The following POLR2E variants were observed in gnomAD, a reference collection of about 807,000 sequenced individuals.
The protein encoded by POLR2E is DNA-directed RNA polymerases I, II, and III subunit RPABC1.
In POLR2E, 35 loss-of-function variants were observed where a neutral mutation model predicts 29.8. That is an observed-to-expected ratio of 1.17 (90% CI 0.90 to 1.55). The LOEUF is 1.55. Ranked by LOEUF, POLR2E falls within the 40% of genes most tolerant of loss-of-function variation. The pLI, the probability that POLR2E is intolerant of heterozygous loss-of-function variation, is 0.00. For synonymous variants in POLR2E, 174 were observed against 112.6 expected, an observed-to-expected ratio of 1.55 and a Z score of -3.45; for missense variants, 287 against 288.6, an observed-to-expected ratio of 0.99 and a Z score of 0.04.
At chr19:1,093,571 G>A (rs2043882989) in intron 2 of POLR2E, among the ~76,000 whole-genome samples, 1 of 152,092 alleles carries the variant, frequency 6.6e-6, no homozygotes, top group Admixed American at 6.5e-5. Flanking sequence ...CCAAGAAGCT[G>A]GAAGTGCACC....
At chr19:1,091,947 C>CACGAGGGCCCAGG in intron 2 of POLR2E, 40 bp from the exon 3 acceptor site, 1 of 1,408,170 alleles carries the variant, frequency 7.1e-7, no homozygotes, top group Non-Finnish European at 1.0e-6. Context: ...GAGCCTGGGC[C>CACGAGGGCCCAGG]CTCGTGGCCC....
intron 4 of POLR2E, among the ~76,000 whole-genome samples, chr19:1,090,510 G>T (rs2043806791): frequency 1.5e-5 from 2 of 130,284 alleles, no homozygotes; most frequent in Non-Finnish European, 3.1e-5. Context: ...CTGTCTCCCA[G>T]GCTGGAGTGC....
Position 1,095,170 on chromosome 19 carries a change from A to G in POLR2E, c.57+89T>C, listed in dbSNP as rs2043914146. 7 of 1,352,636 alleles carry G rather than the reference A, an allele frequency of 5.2e-6. No homozygotes were observed. The East Asian group carries it at 1.7e-4, about 32-fold the overall frequency. 83.8% of individuals were successfully genotyped at this position (1,352,636 alleles called of 1,614,324 possible). A position where few individuals can be genotyped will look rare whatever the true frequency, so the allele number is the denominator to read the frequency against. ...GCCCTTCATCGCTGCTGCTCCGACG[A>G]GAGTACGAGGAGACGCCGTGCTCGA... On this transcript the variant is annotated intron_variant, in intron 1 of 7. Transcript: ENST00000615234.
chr19:1,092,026 C>T (rs1234546007), intron 2 of POLR2E, 119 bp from the exon 3 acceptor site: 1 of 694,078 alleles, frequency 1.4e-6, no homozygotes. Context: ...CCTGCTCGGG[C>T]CTCGGCTTCC....
chr19:1,089,639 A>G (rs889562284), intron 6 of POLR2E, 88 bp from the exon 7 acceptor site: 1 of 1,184,508 alleles, frequency 8.4e-7, no homozygotes, highest in Non-Finnish European at 1.3e-6. Context: ...CGGGCTGGGG[A>G]TGGCCGGCAG....
intron 1 of POLR2E, chr19:1,094,934 G>C (rs2043909120): frequency 7.0e-6 from 3 of 431,310 alleles, no homozygotes; most frequent in Non-Finnish European, 8.3e-6. Flanking sequence ...CTGAATCACA[G>C]AGAAGGGCAG....
At position 1,086,660 on chromosome 19, in the gene POLR2E, T is replaced by C. The variant is rs2043673754; in HGVS notation, c.*2075A>G. On this transcript the variant is annotated 3_prime_UTR_variant, in exon 8 of 8. Transcript: ENST00000615234. ...CTGTGGCAGCTGCAAGCTTAGAAGA[T>C]TTTCTGTGGCAGCTGCAAGCTTAGA... is the stretch of plus-strand genomic sequence containing the variant. 1.3e-5 allele frequency: 2 copies of C among 149,822 alleles called. No individual in the cohort carries two copies. Among genetic ancestry groups the C allele is most frequent in the Non-Finnish European group, 2.9e-5 (2 of 67,874 alleles). The allele number at this position is 149,822 out of a possible 1,614,324, so 9.3% of individuals were successfully genotyped here.
intron 6 of POLR2E, 78 bp from the exon 7 acceptor site, chr19:1,089,629 C>T (rs1293806436): frequency 7.8e-6 from 10 of 1,277,478 alleles, no homozygotes; most frequent in African/African-American, 5.8e-5. Flanking sequence ...GGGCAGCACA[C>T]GGGCTGGGGA....
rs1109555 is a variant in POLR2E, at chr19:1,086,788, C to T, written c.*1947G>A. The T allele has an allele frequency of 0.33, 50,530 of 151,848 alleles. 8,527 individuals carry two copies. The highest frequency in any genetic ancestry group is 0.37 in the Admixed American group (5,583 of 15,272). The allele number at this position is 151,848 out of a possible 1,614,324, so 9.4% of individuals were successfully genotyped here. The stretch of plus-strand genomic sequence containing the variant: ...AAGGGAACCCCCCGCCACGGGGCCC[C>T]GCGAGGTGGGAGCCCGGGTGGTCTT... On this transcript the variant is annotated 3_prime_UTR_variant, in exon 8 of 8. Coordinates refer to ENST00000615234, the MANE Select transcript of POLR2E (RefSeq NM_002695.5).
intron 1 of POLR2E, 124 bp downstream of exon 1, chr19:1,095,135 T>C (rs1280462428): frequency 9.9e-7 from 1 of 1,008,212 alleles, no homozygotes; most frequent in Non-Finnish European, 1.5e-6. Flanking sequence ...GGGCCTCCCG[T>C]ATCGGCCCGG....
At chr19:1,093,278 G>A (rs994097270) in intron 2 of POLR2E, among the ~76,000 whole-genome samples, 1 of 152,236 alleles carries the variant, frequency 6.6e-6, no homozygotes, top group Non-Finnish European at 1.5e-5. Context: ...ATTAATTCTG[G>A]GCGTGGGGCT....
Position 1,095,357 on chromosome 19 carries a change from G to C in POLR2E, c.-42C>G, listed in dbSNP as rs772755828. ...GCCGCCGCTCGCACCCCTTCTCCGC[G>C]CGAGAACCCGCGCGGACTGCGCCTG... On this transcript the variant is annotated 5_prime_UTR_variant, in exon 1 of 8. Transcript: ENST00000615234. The C allele has an allele frequency of 1.1e-5, 17 of 1,609,784 alleles. No homozygotes were observed. The highest frequency in any genetic ancestry group is 4.0e-5 in the African/African-American group (3 of 74,780).
rs2043778958 is a variant in POLR2E at position 1,089,389 on chromosome 19, C to G, written c.*14+83G>C. On this transcript the variant is annotated intron_variant, in intron 7 of 7. Coordinates refer to ENST00000615234, the MANE Select transcript of POLR2E (RefSeq NM_002695.5). ...AGGAGGGTCTTGCTGCCGGACAAAG[C>G]AAGAACAGCCCTGCACACCGACGGA... 7 of 921,438 alleles carry G rather than the reference C, an allele frequency of 7.6e-6. No homozygotes were observed. In the South Asian group the frequency reaches 8.5e-5, roughly 11 times the overall value. 57.1% of individuals were successfully genotyped at this position (921,438 alleles called of 1,614,324 possible). A position where few individuals can be genotyped will look rare whatever the true frequency, so the allele number is the denominator to read the frequency against.
chr19:1,092,489 C>G (rs2043856648), intron 2 of POLR2E: 1 of 151,306 alleles, frequency 6.6e-6, no homozygotes, highest in Non-Finnish European at 1.5e-5. Context: ...ATCACGATGT[C>G]AGGAGATCGA....
At chr19:1,090,642 A>T (rs1196398458) in intron 4 of POLR2E, among the ~76,000 whole-genome samples, 32 of 150,812 alleles carry the variant, frequency 2.1e-4, no homozygotes, top group South Asian at 4.2e-4. Context: ...ATGGTCTGGA[A>T]CTCCTGACCT....
intron 7 of POLR2E, 150 bp downstream of exon 7, chr19:1,089,322 G>A: frequency 1.7e-6 from 1 of 600,276 alleles, no homozygotes; most frequent in Admixed American, 2.6e-5. Flanking sequence ...GGGGGTCTGG[G>A]GGTGTCCTGG....
intron 7 of POLR2E, among the ~76,000 whole-genome samples, 181 bp downstream of exon 7, chr19:1,089,291 G>A (rs780359482): frequency 6.6e-6 from 1 of 152,224 alleles, no homozygotes; most frequent in Non-Finnish European, 1.5e-5. Context: ...AAGAGCTGCA[G>A]CCTACGGTCG....
At chr19:1,090,254 C>T in intron 4 of POLR2E, 109 bp from the exon 5 acceptor site, 1 of 928,274 alleles carries the variant, frequency 1.1e-6, no homozygotes, top group South Asian at 1.4e-5. Context: ...AGCCCTGAAC[C>T]CCACCCCGAT....
In POLR2E at chr19:1,087,861, G is replaced by A. The variant is rs748336387; in HGVS notation, c.*874C>T. The A allele has an allele frequency of 5.9e-5, 9 of 152,226 alleles. No individual in the cohort carries two copies. Among genetic ancestry groups the A allele is most frequent in the Admixed American group, 2.6e-4 (4 of 15,260 alleles). The allele number at this position is 152,226 out of a possible 1,614,324, so 9.4% of individuals were successfully genotyped here. A position where few individuals can be genotyped will look rare whatever the true frequency, so the allele number is the denominator to read the frequency against. On this transcript the variant is annotated 3_prime_UTR_variant, in exon 8 of 8. Transcript: ENST00000615234. ...GTGGCTAGGTTAAACTTGGGCAGGC[G>A]AGGCCTTCTGAAATCAGACAGTAAG... is the stretch of plus-strand genomic sequence containing the variant.
Sources: gnomAD v4.1 joint callset for allele counts (sites outside exome capture counted in the v4.1 genomes callset) on GRCh38, gnomAD v4.1.1 for gene constraint, MANE v1.5 for transcripts, NCBI Gene and HGNC (gene_info 2026-07-23, HGNC 2026-07-21) for gene names.